The following HLF variants were observed in gnomAD, a reference collection of about 807,000 sequenced individuals.
HLF encodes the protein HLF transcription factor, PAR bZIP family member.
In HLF, 3 loss-of-function variants were observed where a neutral mutation model predicts 22.6. That is an observed-to-expected ratio of 0.13 (90% CI 0.06 to 0.34). HLF has a LOEUF of 0.34. Among genes scored for constraint, HLF ranks in the 10% least tolerant of loss-of-function variants. The probability of loss-of-function intolerance (pLI) is 1.00; values close to 1 mark genes in which losing one functional copy is unlikely to be tolerated. For synonymous variants in HLF, 151 were observed against 151.8 expected, an observed-to-expected ratio of 0.99 and a Z score of 0.04; for missense variants, 299 against 389.2, an observed-to-expected ratio of 0.77 and a Z score of 1.95.
intron 2 of HLF, among the ~76,000 whole-genome samples, chr17:55,301,573 T>C (rs1216619240): frequency 6.6e-6 from 1 of 152,204 alleles, no homozygotes; most frequent in African/African-American, 2.4e-5. Context: ...ATATGGATGT[T>C]AGGACAAATA....
At chr17:55,319,299 A>G (rs1468890456) in intron 3 of HLF, among the ~76,000 whole-genome samples, 1 of 152,068 alleles carries the variant, frequency 6.6e-6, no homozygotes, top group Non-Finnish European at 1.5e-5. Flanking sequence ...GCCCCAACCC[A>G]TGTGACCTCC....
chr17:55,291,720 G>A (rs2145332917), intron 2 of HLF, among the ~76,000 whole-genome samples: 1 of 152,344 alleles, frequency 6.6e-6, no homozygotes, highest in Non-Finnish European at 1.5e-5. Flanking sequence ...GACAATAGCT[G>A]CCATTGATAG....
At chr17:55,294,183 C>G (rs2081091416) in intron 2 of HLF, among the ~76,000 whole-genome samples, 1 of 152,186 alleles carries the variant, frequency 6.6e-6, no homozygotes, top group South Asian at 2.1e-4. Flanking sequence ...AAACCCACGG[C>G]ACAGTCCATA....
intron 2 of HLF, among the ~76,000 whole-genome samples, chr17:55,302,611 C>T (rs899400831): frequency 1.3e-5 from 2 of 152,244 alleles, no homozygotes; most frequent in Admixed American, 1.3e-4. Flanking sequence ...TCGCTGATTT[C>T]GTCTCCTGCT....
At chr17:55,302,870 C>T (rs888684646) in intron 2 of HLF, among the ~76,000 whole-genome samples, 7 of 152,210 alleles carry the variant, frequency 4.6e-5, no homozygotes, top group African/African-American at 1.7e-4. Context: ...ACTTGTTTCT[C>T]TGCTGGAGAA....
At chr17:55,278,897 A>G (rs2080929338) in intron 2 of HLF, among the ~76,000 whole-genome samples, 1 of 152,256 alleles carries the variant, frequency 6.6e-6, no homozygotes. Flanking sequence ...GCCAAAGGCC[A>G]TTGAAAGATT....
chr17:55,303,318 C>A (rs977262367), intron 2 of HLF, among the ~76,000 whole-genome samples: 3 of 152,202 alleles, frequency 2.0e-5, no homozygotes, highest in Non-Finnish European at 4.4e-5. Context: ...AACTGTTGCA[C>A]AAAACACTGC....
chr17:55,304,613 G>A (rs549953872), intron 2 of HLF, among the ~76,000 whole-genome samples: 33 of 152,338 alleles, frequency 2.2e-4, no homozygotes, highest in African/African-American at 7.2e-4. Flanking sequence ...GCCACTTTGA[G>A]TACTGATGCA....
chr17:55,270,774 T>C (rs186764131), intron 2 of HLF, among the ~76,000 whole-genome samples: 1,649 of 151,582 alleles, frequency 0.011, 16 homozygotes, highest in Non-Finnish European at 0.015. Flanking sequence ...CATTCTCCTG[T>C]CTCAGCCTCC....
At chr17:55,267,717 T>C (rs1436207841) in intron 1 of HLF, 34 bp from the exon 2 acceptor site, 1 of 1,442,436 alleles carries the variant, frequency 6.9e-7, no homozygotes, top group African/African-American at 1.4e-5. Flanking sequence ...TTTTCTTTCT[T>C]TTTTTTTAAG....
intron 2 of HLF, among the ~76,000 whole-genome samples, chr17:55,287,484 C>A (rs1263787603): frequency 6.6e-6 from 1 of 152,166 alleles, no homozygotes; most frequent in Non-Finnish European, 1.5e-5. Flanking sequence ...GCATCTACCC[C>A]CTGCCTGCAC....
In HLF at chr17:55,266,718, G is replaced by A. The variant is rs77451535; in HGVS notation, c.116-1033G>A. 2.7e-3 allele frequency: 1,136 copies of A among 420,214 alleles called. 17 individuals carry two copies. The highest frequency in any genetic ancestry group is 0.024 in the African/African-American group (1,089 of 46,314). The allele number at this position is 420,214 out of a possible 1,614,324, so 26.0% of individuals were successfully genotyped here. On this transcript the variant is annotated intron_variant, in intron 1 of 3. Coordinates refer to ENST00000226067, the MANE Select transcript of HLF (RefSeq NM_002126.5). ...AGATGGTAGAGGGTTAGAATGGATG[G>A]CAGTGGAGGCTGTGTTTCTCTGAAG...
chr17:55,292,503 A>G (rs1057457061), intron 2 of HLF, among the ~76,000 whole-genome samples: 2 of 152,230 alleles, frequency 1.3e-5, no homozygotes, highest in Admixed American at 6.5e-5. Flanking sequence ...TACACACTTA[A>G]TAGATTACAG....
chr17:55,285,113 T>G (rs936703946), intron 2 of HLF, among the ~76,000 whole-genome samples: 1 of 152,196 alleles, frequency 6.6e-6, no homozygotes, highest in Non-Finnish European at 1.5e-5. Context: ...CCCTCGTTCA[T>G]AGAGAGTTGA....
chr17:55,308,592 T>G (rs930796369), intron 2 of HLF, among the ~76,000 whole-genome samples: 1 of 152,206 alleles, frequency 6.6e-6, no homozygotes. Context: ...AGGCCCAAGT[T>G]TATAACATAC....
At chr17:55,316,505 G>C (rs1905069626) in intron 3 of HLF, among the ~76,000 whole-genome samples, 1 of 152,242 alleles carries the variant, frequency 6.6e-6, no homozygotes, top group Admixed American at 6.5e-5. Context: ...AATCACTGCT[G>C]TCATCCACAT....
chr17:55,315,098 G>A, intron 2 of HLF, 129 bp from the exon 3 acceptor site: 1 of 699,080 alleles, frequency 1.4e-6, no homozygotes, highest in Non-Finnish European at 2.5e-6. Flanking sequence ...GGATGAGTAA[G>A]ATAAATCATG....
At chr17:55,275,741 A>G (rs1270337175) in intron 2 of HLF, among the ~76,000 whole-genome samples, 1 of 152,246 alleles carries the variant, frequency 6.6e-6, no homozygotes, top group Non-Finnish European at 1.5e-5. Context: ...TTCTAAAGCT[A>G]CTGTGCAAGA....
At chr17:55,303,747 C>G (rs1904407191) in intron 2 of HLF, among the ~76,000 whole-genome samples, 1 of 152,084 alleles carries the variant, frequency 6.6e-6, no homozygotes, top group South Asian at 2.1e-4. Flanking sequence ...GGTTATCTCT[C>G]TCTGCATCCT....
Sources: allele counts gnomAD v4.1 joint callset (sites outside exome capture counted in the v4.1 genomes callset), GRCh38; gene constraint gnomAD v4.1.1; transcripts MANE v1.5; gene names NCBI Gene and HGNC (gene_info 2026-07-23, HGNC 2026-07-21).